Variants in KIAA0825 observed in about 807,000 individuals in gnomAD.
KIAA0825 encodes uncharacterized protein KIAA0825.
Under a neutral mutation model 147.6 loss-of-function variants are expected in KIAA0825, and 119 were observed. The observed-to-expected ratio is 0.81, with a 90% CI of 0.69 to 0.94. KIAA0825 has a LOEUF of 0.94. KIAA0825 is among the 40% of genes least tolerant of loss of function. The probability of loss-of-function intolerance (pLI) is 0.00; values close to 1 mark genes in which losing one functional copy is unlikely to be tolerated. For synonymous variants in KIAA0825, 470 were observed against 518.1 expected, an observed-to-expected ratio of 0.91 and a Z score of 1.26; for missense variants, 1,381 against 1,472.7, an observed-to-expected ratio of 0.94 and a Z score of 1.02.
chr5:94,581,783 G>A (rs775550804), intron 2 of KIAA0825, among the ~76,000 whole-genome samples: 1 of 152,174 alleles, frequency 6.6e-6, no homozygotes, highest in Non-Finnish European at 1.5e-5. Flanking sequence ...TTTATTAGAA[G>A]TAGTGCATAA....
intron 13 of KIAA0825, among the ~76,000 whole-genome samples, chr5:94,443,591 T>C (rs1051075900): frequency 6.6e-6 from 1 of 152,082 alleles, no homozygotes; most frequent in Non-Finnish European, 1.5e-5. Context: ...AGTAATGGGG[T>C]CCAAGCATTA....
At chr5:94,210,946 T>C (rs1167466939) in intron 20 of KIAA0825, among the ~76,000 whole-genome samples, 2 of 152,298 alleles carry the variant, frequency 1.3e-5, no homozygotes, top group African/African-American at 2.4e-5. Context: ...TTAAACATGA[T>C]AGTGTTTTAG....
chr5:94,240,296 T>G (rs1287825634), intron 20 of KIAA0825, among the ~76,000 whole-genome samples: 2 of 152,226 alleles, frequency 1.3e-5, no homozygotes, highest in Admixed American at 1.3e-4. Context: ...AAAGAAGTAT[T>G]AGCACTTGTC....
intron 5 of KIAA0825, among the ~76,000 whole-genome samples, chr5:94,513,569 A>G (rs1766800851): frequency 6.6e-6 from 1 of 152,138 alleles, no homozygotes; most frequent in Non-Finnish European, 1.5e-5. Context: ...TACCCAATAT[A>G]CTTTCCATTT....
intron 20 of KIAA0825, among the ~76,000 whole-genome samples, chr5:94,355,179 TG>T (rs1474220738): frequency 6.6e-6 from 1 of 152,218 alleles, no homozygotes; most frequent in African/African-American, 2.4e-5. Context: ...TGTCTCATAG[TG>T]GCTGCCCTTA....
intron 1 of KIAA0825, among the ~76,000 whole-genome samples, chr5:94,609,809 A>G (rs962178016): frequency 6.6e-6 from 1 of 152,048 alleles, no homozygotes; most frequent in Admixed American, 6.5e-5. Context: ...GCCAGATTTC[A>G]TCTCAAAAAA....
At chr5:94,264,837 C>T (rs888920822) in intron 20 of KIAA0825, among the ~76,000 whole-genome samples, 2 of 149,340 alleles carry the variant, frequency 1.3e-5, no homozygotes, top group African/African-American at 5.0e-5. Context: ...GGCTGGAGTG[C>T]AGTGGCATGA....
chr5:94,478,478 C>CAT (rs1762148195), intron 6 of KIAA0825, among the ~76,000 whole-genome samples: 4 of 151,954 alleles, frequency 2.6e-5, no homozygotes, highest in Admixed American at 2.6e-4. Flanking sequence ...CACACACACA[C>CAT]ACACAAATTG....
intron 3 of KIAA0825, among the ~76,000 whole-genome samples, chr5:94,530,866 A>T (rs1770657229): frequency 6.6e-6 from 1 of 152,120 alleles, no homozygotes; most frequent in African/African-American, 2.4e-5. Context: ...ATTAACTAAG[A>T]TCCTCTCTGG....
At chr5:94,589,333 C>A (rs1232057824) in intron 1 of KIAA0825, among the ~76,000 whole-genome samples, 2 of 152,218 alleles carry the variant, frequency 1.3e-5, no homozygotes, top group Non-Finnish European at 2.9e-5. Flanking sequence ...TAAGCTTCCA[C>A]TAATCTATTT....
chr5:94,590,893 C>T (rs1190880185), intron 1 of KIAA0825, among the ~76,000 whole-genome samples: 1 of 152,172 alleles, frequency 6.6e-6, no homozygotes, highest in Admixed American at 6.5e-5. Context: ...CCATAATCTA[C>T]TGCAAACAGC....
chr5:94,467,935 C>A (rs186213346), intron 10 of KIAA0825, among the ~76,000 whole-genome samples: 3 of 152,226 alleles, frequency 2.0e-5, no homozygotes, highest in Admixed American at 1.3e-4. Flanking sequence ...AGTTTAAAAT[C>A]AGTGCTATTT....
intron 18 of KIAA0825, among the ~76,000 whole-genome samples, chr5:94,391,293 TGAG>T (rs1388367870): frequency 6.6e-6 from 1 of 152,208 alleles, no homozygotes; most frequent in African/African-American, 2.4e-5. Flanking sequence ...AGAACTGAAC[TGAG>T]TTTATGAGCC....
At chr5:94,502,193 CACAT>C (rs959368306) in intron 5 of KIAA0825, among the ~76,000 whole-genome samples, 13 of 151,978 alleles carry the variant, frequency 8.6e-5, no homozygotes, top group South Asian at 2.1e-4. Context: ...TGTATGTATA[CACAT>C]ACATACATAC....
At chr5:94,408,725 A>G (rs1322259796) in intron 15 of KIAA0825, among the ~76,000 whole-genome samples, 3 of 152,186 alleles carry the variant, frequency 2.0e-5, no homozygotes, top group Non-Finnish European at 2.9e-5. Context: ...AGGCATGAAC[A>G]GGAATTCAAT....
chr5:94,161,471 A>C (rs977732333), intron 20 of KIAA0825, among the ~76,000 whole-genome samples: 1 of 152,162 alleles, frequency 6.6e-6, no homozygotes, highest in Non-Finnish European at 1.5e-5. Context: ...AGAACTTCCC[A>C]ACTACCTAAG....
intron 20 of KIAA0825, among the ~76,000 whole-genome samples, chr5:94,352,666 A>T (rs951682779): frequency 1.3e-5 from 2 of 152,234 alleles, no homozygotes; most frequent in Non-Finnish European, 2.9e-5. Flanking sequence ...CATGGAGCCA[A>T]CCCAAATGCC....
Position 94,313,418 on chromosome 5 carries a change from A to C in KIAA0825, c.3710+70950T>G, listed in dbSNP as rs533274464. Among the ~76,000 whole-genome samples the C allele has an allele frequency of 2.6e-5, 4 of 151,826 alleles. No homozygotes were observed. The South Asian group carries it at 8.3e-4, about 31-fold the overall frequency. On this transcript the variant is annotated intron_variant, in intron 20 of 20. Coordinates refer to ENST00000682413, the MANE Select transcript of KIAA0825 (RefSeq NM_001145678.3). ...GCTATCTTCATGCACAAAGTTGAAG[A>C]TCAAGAATTTTTTTTAAGTAGTGTC... is the stretch of plus-strand genomic sequence containing the variant.
chr5:94,289,435 T>G (rs906755927), intron 20 of KIAA0825, among the ~76,000 whole-genome samples: 2 of 150,028 alleles, frequency 1.3e-5, no homozygotes, highest in African/African-American at 4.9e-5. Flanking sequence ...CTTGGGAGGC[T>G]GAGACAGGAG....
Sources: allele counts gnomAD v4.1 joint callset (sites outside exome capture counted in the v4.1 genomes callset), GRCh38; gene constraint gnomAD v4.1.1; transcripts MANE v1.5; gene names NCBI Gene and HGNC (gene_info 2026-07-23, HGNC 2026-07-21).